Variants in TAFA4 observed in about 807,000 individuals in gnomAD.
TAFA4 encodes the protein chemokine-like protein TAFA-4.
Under a neutral mutation model 21.1 loss-of-function variants are expected in TAFA4, and 20 were observed. The observed-to-expected ratio is 0.95, with a 90% CI of 0.67 to 1.38. The LOEUF is 1.38. Ranked by LOEUF, TAFA4 falls within the 40% of genes most tolerant of loss-of-function variation. The pLI, the probability that TAFA4 is intolerant of heterozygous loss-of-function variation, is 0.00. For missense variants in TAFA4, 211 were observed against 180.9 expected, an observed-to-expected ratio of 1.17 and a Z score of -0.95; for synonymous variants, 71 against 67.4, an observed-to-expected ratio of 1.05 and a Z score of -0.26.
At chr3:68,838,950 T>G (rs1254175528) in intron 3 of TAFA4, among the ~76,000 whole-genome samples, 1 of 151,908 alleles carries the variant, frequency 6.6e-6, no homozygotes, top group Admixed American at 6.6e-5. Flanking sequence ...AGACAAAAAT[T>G]AGCCAGGTAT....
chr3:68,924,611 AAC>A (rs1295007724), intron 1 of TAFA4, among the ~76,000 whole-genome samples: 1 of 152,232 alleles, frequency 6.6e-6, no homozygotes, highest in African/African-American at 2.4e-5. Flanking sequence ...TACACTTGAA[AAC>A]GGTTAAAATG....
intron 3 of TAFA4, among the ~76,000 whole-genome samples, chr3:68,794,660 T>C (rs770771831): frequency 6.6e-6 from 1 of 152,168 alleles, no homozygotes; most frequent in African/African-American, 2.4e-5. Flanking sequence ...GATGTCACAG[T>C]TGGCATCCCT....
chr3:68,743,362 G>A (rs1414252697), intron 4 of TAFA4, among the ~76,000 whole-genome samples: 2 of 152,036 alleles, frequency 1.3e-5, no homozygotes, highest in Non-Finnish European at 2.9e-5. Flanking sequence ...GATCACTTGA[G>A]GTCAAGAGTT....
intron 1 of TAFA4, chr3:68,913,777 G>A (rs201971627): frequency 6.8e-6 from 1 of 147,720 alleles, no homozygotes; most frequent in African/African-American, 2.5e-5. Context: ...GAGACAGAGA[G>A]AGAAAGAAAT....
At chr3:68,838,854 T>C (rs767294504) in intron 3 of TAFA4, among the ~76,000 whole-genome samples, 7 of 152,074 alleles carry the variant, frequency 4.6e-5, no homozygotes, top group Non-Finnish European at 8.8e-5. Flanking sequence ...CCCAGCACTT[T>C]GGGAGGCCAA....
intron 3 of TAFA4, among the ~76,000 whole-genome samples, chr3:68,790,559 C>T (rs935683757): frequency 6.6e-5 from 10 of 152,098 alleles, no homozygotes; most frequent in Admixed American, 6.5e-5. Flanking sequence ...GCTGAGTATA[C>T]TCAAATGAGT....
intron 1 of TAFA4, among the ~76,000 whole-genome samples, chr3:68,910,738 T>C (rs372811147): frequency 6.6e-6 from 1 of 152,214 alleles, no homozygotes; most frequent in Non-Finnish European, 1.5e-5. Flanking sequence ...TCTGCAGGGT[T>C]GTACACAAAA....
intron 3 of TAFA4, among the ~76,000 whole-genome samples, chr3:68,844,327 G>A (rs1014531003): frequency 6.6e-6 from 1 of 152,106 alleles, no homozygotes; most frequent in African/African-American, 2.4e-5. Context: ...AGTATTCTCT[G>A]ATGGTAGTTT....
At chr3:68,928,443 GTTCT>G (rs563437920) in intron 1 of TAFA4, among the ~76,000 whole-genome samples, 71 of 152,170 alleles carry the variant, frequency 4.7e-4, no homozygotes, top group Non-Finnish European at 9.1e-4. Context: ...GATATTCTGA[GTTCT>G]TTCACAAATA....
intron 3 of TAFA4, among the ~76,000 whole-genome samples, chr3:68,803,248 A>C (rs568620918): frequency 6.6e-6 from 1 of 152,222 alleles, no homozygotes; most frequent in Non-Finnish European, 1.5e-5. Flanking sequence ...AAATAAATAG[A>C]TGAATAATTT....
chr3:68,828,945 T>C (rs1704315454), intron 3 of TAFA4, among the ~76,000 whole-genome samples: 1 of 152,194 alleles, frequency 6.6e-6, no homozygotes, highest in African/African-American at 2.4e-5. Flanking sequence ...AGGGCATCCA[T>C]GTCCTGTGCT....
At chr3:68,762,279 A>G (rs899496982) in intron 3 of TAFA4, among the ~76,000 whole-genome samples, 2 of 152,152 alleles carry the variant, frequency 1.3e-5, no homozygotes, top group Admixed American at 1.3e-4. Context: ...CAGAACTGAG[A>G]AATTGTAGAC....
intron 3 of TAFA4, among the ~76,000 whole-genome samples, chr3:68,803,954 AT>A (rs1207674582): frequency 2.0e-5 from 3 of 151,452 alleles, no homozygotes; most frequent in African/African-American, 7.3e-5. Flanking sequence ...CACCTGGCTA[AT>A]TTTTGTATTT....
At chr3:68,817,986 C>A (rs1359368401) in intron 3 of TAFA4, among the ~76,000 whole-genome samples, 1 of 152,100 alleles carries the variant, frequency 6.6e-6, no homozygotes, top group East Asian at 1.9e-4. Flanking sequence ...AGCTTTGGAG[C>A]CTAGCAGTGA....
intron 3 of TAFA4, among the ~76,000 whole-genome samples, chr3:68,821,154 A>G (rs917690326): frequency 6.6e-6 from 1 of 152,214 alleles, no homozygotes; most frequent in Non-Finnish European, 1.5e-5. Flanking sequence ...GTGATGCTGA[A>G]AAACATAACC....
chr3:68,814,586 C>A (rs1156361860), intron 3 of TAFA4, among the ~76,000 whole-genome samples: 2 of 152,086 alleles, frequency 1.3e-5, no homozygotes, highest in African/African-American at 4.8e-5. Context: ...GAATAAAATA[C>A]CTAGGAATCC....
At chr3:68,927,535 G>A (rs1407004570) in intron 1 of TAFA4, among the ~76,000 whole-genome samples, 1 of 152,210 alleles carries the variant, frequency 6.6e-6, no homozygotes, top group East Asian at 1.9e-4. Context: ...AGCCAACAGA[G>A]TAGTTTGTGT....
At chr3:68,845,474 T>C (rs1258684289) in intron 3 of TAFA4, among the ~76,000 whole-genome samples, 1 of 152,238 alleles carries the variant, frequency 6.6e-6, no homozygotes. Flanking sequence ...CTTTATCCAA[T>C]TTGCCAGTCT....
chr3:68,902,300 C>T (rs575020921), intron 1 of TAFA4, among the ~76,000 whole-genome samples: 32 of 152,272 alleles, frequency 2.1e-4, no homozygotes, highest in African/African-American at 7.2e-4. Flanking sequence ...AGGTATTCCA[C>T]AATCAATGCA....
Sources: gnomAD v4.1 joint callset for allele counts (sites outside exome capture counted in the v4.1 genomes callset) on GRCh38, gnomAD v4.1.1 for gene constraint, MANE v1.5 for transcripts, NCBI Gene and HGNC (gene_info 2026-07-23, HGNC 2026-07-21) for gene names.